LRRC36: variants seen among roughly 807,000 people sequenced by gnomAD.
The protein encoded by LRRC36 is leucine-rich repeat-containing protein 36.
In LRRC36, 62 loss-of-function variants were observed where a neutral mutation model predicts 81.1. That is an observed-to-expected ratio of 0.76 (90% CI 0.62 to 0.94). LRRC36 has a LOEUF of 0.94. Ranked by LOEUF, LRRC36 falls within the 40% of genes least tolerant of loss-of-function variation. The pLI is 0.00. For synonymous variants in LRRC36, 334 were observed against 348.6 expected, an observed-to-expected ratio of 0.96 and a Z score of 0.47; for missense variants, 761 against 881.7, an observed-to-expected ratio of 0.86 and a Z score of 1.73.
chr16:67,356,875 A>G (rs1231923984), intron 5 of LRRC36, among the ~76,000 whole-genome samples: 1 of 152,252 alleles, frequency 6.6e-6, no homozygotes, highest in Admixed American at 6.5e-5. Flanking sequence ...GGTGAAACAT[A>G]TCAGGAAATT....
intron 9 of LRRC36, among the ~76,000 whole-genome samples, chr16:67,372,919 C>T (rs994916359): frequency 5.3e-5 from 8 of 152,134 alleles, no homozygotes; most frequent in Admixed American, 3.3e-4. Context: ...TCTCAGTCCC[C>T]TATGCCTATT....
At position 67,344,510 on chromosome 16, in the gene LRRC36, C is replaced by A. The variant is rs60021691; in HGVS notation, c.199-1746C>A. ...TTTGGGAGGCTGAAGCAGGAGGATCCCTTGCCCTAGGAGTTCAAGGCTGCA... is the reference window on the plus strand; with the variant it reads ...TTTGGGAGGCTGAAGCAGGAGGATCACTTGCCCTAGGAGTTCAAGGCTGCA... On this transcript the variant is annotated intron_variant, in intron 2 of 13. Coordinates refer to ENST00000329956, the MANE Select transcript of LRRC36 (RefSeq NM_018296.6). Among the ~76,000 whole-genome samples the A allele has an allele frequency of 7.3e-3, 1,114 of 152,212 alleles. 23 individuals are homozygous for A. Among genetic ancestry groups the A allele is most frequent in the African/African-American group, 0.025 (1,035 of 41,538 alleles).
chr16:67,378,777 A>C (rs2040007336), intron 12 of LRRC36, 65 bp downstream of exon 12: 2 of 1,560,626 alleles, frequency 1.3e-6, no homozygotes, highest in Non-Finnish European at 1.7e-6. Context: ...TAGATGACCC[A>C]TTTAGTAACC....
In LRRC36 at chr16:67,382,260, C is replaced by CT; in HGVS notation, c.2045+14dup. On this transcript the variant is annotated intron_variant, in intron 13 of 13. Transcript: ENST00000329956. ...ATGAAAGTCAGAGGTAGGAGAGGGT[C>CT]TATCTAGCTTGCTTCTAGAAGCAGA... 8 of 1,579,710 alleles carry CT rather than the reference C, an allele frequency of 5.1e-6. No homozygotes were observed. The highest frequency in any genetic ancestry group is 7.0e-6 in the Non-Finnish European group (8 of 1,150,666).
chr16:67,334,279 A>G (rs1180045142), intron 1 of LRRC36, among the ~76,000 whole-genome samples: 2 of 151,694 alleles, frequency 1.3e-5, no homozygotes, highest in African/African-American at 4.8e-5. Flanking sequence ...TCGGCTTCCC[A>G]AAGTGCTGGG....
At chr16:67,347,964 G>A (rs2038432679) in intron 4 of LRRC36, among the ~76,000 whole-genome samples, 1 of 152,110 alleles carries the variant, frequency 6.6e-6, no homozygotes. Flanking sequence ...ATTACCATGG[G>A]CAAGATTGTT....
At chr16:67,372,314 G>T (rs904436943) in intron 9 of LRRC36, among the ~76,000 whole-genome samples, 2 of 151,024 alleles carry the variant, frequency 1.3e-5, no homozygotes, top group African/African-American at 2.4e-5. Context: ...CCGAGATCGC[G>T]CCATTGCACT....
At chr16:67,359,746 A>C (rs1274109105) in intron 5 of LRRC36, among the ~76,000 whole-genome samples, 1 of 152,224 alleles carries the variant, frequency 6.6e-6, no homozygotes, top group Non-Finnish European at 1.5e-5. Flanking sequence ...TGATTGGGTG[A>C]TAGTAATGCC....
intron 4 of LRRC36, among the ~76,000 whole-genome samples, chr16:67,347,802 T>C (rs2038424208): frequency 6.6e-6 from 1 of 152,218 alleles, no homozygotes; most frequent in Non-Finnish European, 1.5e-5. Context: ...TCTTGAACTT[T>C]GGGTATAATT....
chr16:67,366,962 C>A, intron 7 of LRRC36, 55 bp from the exon 8 acceptor site: 1 of 1,412,978 alleles, frequency 7.1e-7, no homozygotes, highest in Non-Finnish European at 9.7e-7. Flanking sequence ...GTACTCCCAG[C>A]TAGGCCACAA....
chr16:67,378,840 C>G (rs2040009376), intron 12 of LRRC36, 128 bp downstream of exon 12: 2 of 987,974 alleles, frequency 2.0e-6, no homozygotes, highest in South Asian at 1.7e-5. Context: ...CATCAGTTTT[C>G]CTGGCAGTTA....
intron 1 of LRRC36, among the ~76,000 whole-genome samples, chr16:67,340,767 TACCAC>T (rs1460198421): frequency 4.0e-5 from 6 of 148,700 alleles, no homozygotes; most frequent in African/African-American, 1.5e-4. Flanking sequence ...ATAGAATATA[TACCAC>T]ATATACTCTA....
chr16:67,365,782 G>A (rs754444114), intron 7 of LRRC36, among the ~76,000 whole-genome samples: 5 of 151,918 alleles, frequency 3.3e-5, no homozygotes, highest in South Asian at 2.1e-4. Context: ...TTCAAAAACC[G>A]TACAGTACTT....
At chr16:67,372,944 CACTA>C (rs2039713045) in intron 9 of LRRC36, among the ~76,000 whole-genome samples, 1 of 152,170 alleles carries the variant, frequency 6.6e-6, no homozygotes, top group African/African-American at 2.4e-5. Context: ...CAGACAAGAA[CACTA>C]ACTGTGTGTT....
intron 12 of LRRC36, among the ~76,000 whole-genome samples, chr16:67,381,762 G>A (rs1295594786): frequency 6.6e-6 from 1 of 152,118 alleles, no homozygotes; most frequent in African/African-American, 2.4e-5. Context: ...GGAATTACAG[G>A]TGCCCACCAC....
intron 13 of LRRC36, among the ~76,000 whole-genome samples, chr16:67,383,837 C>G (rs1315451670): frequency 6.6e-6 from 1 of 152,162 alleles, no homozygotes; most frequent in East Asian, 1.9e-4. Context: ...TCCTTCCCTC[C>G]CACCATCCTT....
intron 4 of LRRC36, 22 bp downstream of exon 4, chr16:67,347,613 T>A (rs749242428): frequency 1.3e-6 from 2 of 1,578,128 alleles, no homozygotes; most frequent in South Asian, 2.2e-5. Flanking sequence ...CTTTACAAAA[T>A]TTTTAAAGTT....
In LRRC36 at chr16:67,341,048, G is replaced by GAA. The variant is rs1567470331; in HGVS notation, c.71-909_71-908insAA. Among the ~76,000 whole-genome samples the GAA allele has an allele frequency of 5.1e-4, 59 of 115,050 alleles. 12 individuals carry two copies. The highest frequency in any genetic ancestry group is 2.0e-3 in the African/African-American group (56 of 27,590). The allele number at this position is 115,050 out of a possible 152,430, so 75.5% of individuals were successfully genotyped here. ...GTACTCTACATATTCTATAGAATAT[G>GAA]TACTCTACATATTCTATAGAATATG... On this transcript the variant is annotated intron_variant, in intron 1 of 13. Transcript: ENST00000329956.
Position 67,360,146 on chromosome 16 carries a change from G to T in LRRC36, c.578-3444G>T, listed in dbSNP as rs140299224. ...TGTCTCAAAAAAAAAAAAAAGAAAA[G>T]AAAATATTGACTTTTTGGTTGTGTG... On this transcript the variant is annotated intron_variant, in intron 5 of 13. Transcript: ENST00000329956. 3.3e-4 allele frequency among the ~76,000 whole-genome samples: 50 copies of T among 151,280 alleles called. No homozygotes were observed. In the East Asian group the frequency reaches 7.9e-3, roughly 24 times the overall value.
Sources: allele counts gnomAD v4.1 joint callset (sites outside exome capture counted in the v4.1 genomes callset), GRCh38; gene constraint gnomAD v4.1.1; transcripts MANE v1.5; gene names NCBI Gene and HGNC (gene_info 2026-07-23, HGNC 2026-07-21).